WASHC2C: variants seen among roughly 807,000 people sequenced by gnomAD.
WASHC2C encodes the protein WASH complex subunit 2C.
In WASHC2C, 73 loss-of-function variants were observed where a neutral mutation model predicts 142.2. The observed-to-expected ratio is 0.51, with a 90% CI of 0.43 to 0.62. The LOEUF (loss-of-function observed/expected upper bound fraction) is 0.62, where lower values mean the gene tolerates loss of function less well. Ranked by LOEUF, WASHC2C falls within the 20% of genes least tolerant of loss-of-function variation. The pLI is 0.00. For synonymous variants in WASHC2C, 337 were observed against 565.5 expected (o/e 0.60, Z 5.73); for missense variants, 969 against 1,531.7 (o/e 0.63, Z 6.13).
intron 5 of WASHC2C, 104 bp from the exon 6 acceptor site, chr10:45,743,286 T>C (rs1202513593): frequency 6.4e-7 from 1 of 1,568,744 alleles, no homozygotes; most frequent in African/African-American, 1.3e-5. Flanking sequence ...ACCTTCGTTA[T>C]GTAGCTTGTT....
At chr10:45,734,741 G>A (rs1206001208) in intron 3 of WASHC2C, among the ~76,000 whole-genome samples, 54 of 151,562 alleles carry the variant, frequency 3.6e-4, no homozygotes, top group Admixed American at 8.5e-4. Flanking sequence ...TTTTGTTTTT[G>A]AGACAGGATC....
Position 45,786,620 on chromosome 10 carries a change from A to G in WASHC2C, c.2820A>G (p.Ser940=). 1.9e-6 allele frequency: 3 copies of G among 1,611,620 alleles called. No homozygotes were observed. The highest frequency in any genetic ancestry group is 2.5e-6 in the Non-Finnish European group (3 of 1,179,548). ...GATGTAATCTTACACAGGACTCATC[A>G]GGTCTCGCTCCATTTAAAACCAAAG... ...IWKPETPQDS[S]GLAPFKTKEP... Residue 940 remains serine (S), a synonymous_variant, in exon 27 of 31, where the codon TCA becomes TCG. Coordinates refer to ENST00000623400, the MANE Select transcript of WASHC2C (RefSeq NM_001330074.2).
intron 8 of WASHC2C, among the ~76,000 whole-genome samples, chr10:45,748,490 A>G (rs1392935142): frequency 2.6e-5 from 4 of 152,128 alleles, no homozygotes; most frequent in African/African-American, 4.8e-5. Context: ...GGGTATCGCC[A>G]TGTTGGCGCG....
intron 20 of WASHC2C, 41 bp downstream of exon 20, chr10:45,769,659 T>C (rs1351981817): frequency 1.6e-5 from 26 of 1,611,280 alleles, no homozygotes; most frequent in Non-Finnish European, 2.2e-5. Context: ...TCCATTACCG[T>C]GGTAACAAGA....
intron 25 of WASHC2C, 38 bp from the exon 26 acceptor site, chr10:45,785,471 A>G (rs1455690353): frequency 6.2e-7 from 1 of 1,609,180 alleles, no homozygotes; most frequent in Middle Eastern, 1.7e-4. Flanking sequence ...AACTTCTAAG[A>G]TATTTGATGC....
chr10:45,754,989 A>C lies in WASHC2C; in HGVS notation c.1294A>C (p.Lys432Gln). Reference protein sequence around the residue: ...ASVPSLKEPQKPEQPTPRKSP... With the variant: ...ASVPSLKEPQQPEQPTPRKSP... ...CGTTCCATCACTGAAGGAGCCACAG[A>C]AGCCTGAGCAGCCCACTCCAAGGAA... The change falls in exon 15 of 31, where the codon AAG becomes CAG. Residue 432 changes from lysine (K) to glutamine (Q), a missense_variant. Physicochemically the swap from Lys to Gln is moderately conservative, Grantham distance 53. Coordinates refer to ENST00000623400, the MANE Select transcript of WASHC2C (RefSeq NM_001330074.2). 6.2e-7 allele frequency: 1 copy of C among 1,612,008 alleles called. No individual in the cohort carries two copies. Among genetic ancestry groups the C allele is most frequent in the Non-Finnish European group, 8.5e-7 (1 of 1,179,862 alleles).
At chr10:45,752,478 G>A in intron 11 of WASHC2C, 110 bp from the exon 12 acceptor site, 1 of 843,752 alleles carries the variant, frequency 1.2e-6, no homozygotes, top group Non-Finnish European at 2.0e-6. Context: ...GTTAAATAGT[G>A]TCAGATAAAC....
intron 4 of WASHC2C, 125 bp from the exon 5 acceptor site, chr10:45,739,948 C>CT (rs1469773729): frequency 2.0e-5 from 5 of 245,716 alleles, no homozygotes; most frequent in Admixed American, 1.7e-4. Context: ...CAGAATTTGA[C>CT]TTTTTTAACA....
At chr10:45,769,253 G>C (rs1350896354) in intron 19 of WASHC2C, among the ~76,000 whole-genome samples, 196 bp from the exon 20 acceptor site, 3 of 151,230 alleles carry the variant, frequency 2.0e-5, no homozygotes, top group African/African-American at 7.3e-5. Context: ...AAGTAGCTGG[G>C]ACTACAGGCT....
intron 3 of WASHC2C, among the ~76,000 whole-genome samples, 182 bp from the exon 4 acceptor site, chr10:45,737,801 A>C (rs1363653810): frequency 2.5e-5 from 3 of 120,534 alleles, no homozygotes; most frequent in Non-Finnish European, 3.4e-5. Flanking sequence ...TGAATGGACT[A>C]TTCTTTGCTG....
chr10:45,756,447 ATCT>A (rs1372344750), intron 15 of WASHC2C, among the ~76,000 whole-genome samples: 2 of 152,228 alleles, frequency 1.3e-5, no homozygotes, highest in Admixed American at 6.5e-5. Flanking sequence ...TGTTCAAATT[ATCT>A]TCTTATTTAT....
chr10:45,784,588 C>T lies in WASHC2C; in HGVS notation c.2502C>T (p.Pro834=). 1 of 1,611,282 alleles carries T rather than the reference C, an allele frequency of 6.2e-7. No homozygotes were observed. Among genetic ancestry groups the T allele is most frequent in the Non-Finnish European group, 8.5e-7 (1 of 1,179,736 alleles). ...VGKGCDPDAH[P]KSTGVFQDEE... ...AGGGCTGCGATCCTGATGCCCACCC[C>T]AAGAGCACAGGTGTCTTCCAGGATG... Residue 834 remains proline, a synonymous_variant, in exon 24 of 31, where the codon CCC becomes CCT. Transcript: ENST00000623400.
intron 8 of WASHC2C, among the ~76,000 whole-genome samples, chr10:45,749,884 A>G (rs2053382046): frequency 7.1e-6 from 1 of 139,914 alleles, no homozygotes; most frequent in Admixed American, 7.2e-5. Context: ...TATATTTTAT[A>G]TATATTTTTA....
Position 45,792,399 on chromosome 10 carries a change from A to G in WASHC2C, c.4025A>G (p.Ter1342TrpextTer46). The change falls in exon 31 of 31, where the codon TAG (stop) becomes TGG (tryptophan). Residue 1342 changes from the stop codon to tryptophan (W), a stop_lost. Transcript: ENST00000623400. Reference sequence around the variant, plus strand: ...CCCCTGAATGCCTTTGGAGGCCAGTAGAGCACACAGGGTATCCACATGTTA... The same window carrying G: ...CCCCTGAATGCCTTTGGAGGCCAGTGGAGCACACAGGGTATCCACATGTTA... ...DDPLNAFGGQ[*>W] is the part of the protein sequence containing the mutation. 1 of 1,564,898 alleles carries G rather than the reference A, an allele frequency of 6.4e-7. No individual in the cohort carries two copies. The highest frequency in any genetic ancestry group is 8.7e-7 in the Non-Finnish European group (1 of 1,146,524).
At chr10:45,791,277 T>G (rs1222192910) in intron 30 of WASHC2C, among the ~76,000 whole-genome samples, 7,646 of 152,154 alleles carry the variant, frequency 0.05, 182 homozygotes, top group African/African-American at 0.091. Context: ...CCACATGGAA[T>G]GCAGAAGGGA....
chr10:45,785,184 C>G (rs1554889534), intron 25 of WASHC2C, among the ~76,000 whole-genome samples: 2 of 152,122 alleles, frequency 1.3e-5, no homozygotes. Context: ...ATTGAAAGAC[C>G]ATTGCATACA....
At chr10:45,742,729 C>T (rs1350288004) in intron 5 of WASHC2C, among the ~76,000 whole-genome samples, 5 of 152,014 alleles carry the variant, frequency 3.3e-5, no homozygotes, top group African/African-American at 1.2e-4. Flanking sequence ...TCTTCTTGGA[C>T]CTTATACTAG....
intron 2 of WASHC2C, among the ~76,000 whole-genome samples, chr10:45,728,598 C>T (rs1210489943): frequency 6.6e-6 from 1 of 151,092 alleles, no homozygotes; most frequent in South Asian, 2.1e-4. Context: ...ATTAGTTGGG[C>T]GTTGTGGCGG....
At chr10:45,735,871 C>T (rs528863023) in intron 3 of WASHC2C, among the ~76,000 whole-genome samples, 70 of 152,250 alleles carry the variant, frequency 4.6e-4, no homozygotes, top group African/African-American at 6.5e-4. Context: ...GGGAATTCTA[C>T]GCATTTGTGC....
Sources: gnomAD v4.1 joint callset for allele counts (sites outside exome capture counted in the v4.1 genomes callset) on GRCh38, gnomAD v4.1.1 for gene constraint, MANE v1.5 for transcripts, NCBI Gene and HGNC (gene_info 2026-07-23, HGNC 2026-07-21) for gene names.